Variants in REEP1 observed in about 807,000 individuals in gnomAD.
REEP1 encodes the protein receptor accessory protein 1, also known as receptor expression-enhancing protein 1.
In REEP1, 22 loss-of-function variants were observed where a neutral mutation model predicts 40.3. That is an observed-to-expected ratio of 0.55 (90% CI 0.39 to 0.78). The LOEUF (loss-of-function observed/expected upper bound fraction) is 0.78, where lower values mean the gene tolerates loss of function less well. Among genes scored for constraint, REEP1 ranks in the 30% least tolerant of loss-of-function variants. The pLI is 0.00. For missense variants in REEP1, 280 were observed against 361.1 expected, an observed-to-expected ratio of 0.78 and a Z score of 1.82; for synonymous variants, 116 against 139.2, an observed-to-expected ratio of 0.83 and a Z score of 1.17.
At chr2:86,249,618 T>C (rs906654257) in intron 5 of REEP1, among the ~76,000 whole-genome samples, 1 of 149,098 alleles carries the variant, frequency 6.7e-6, no homozygotes, top group African/African-American at 2.5e-5. Flanking sequence ...GAGAATCTAT[T>C]AAAAAAAAAA....
chr2:86,279,255 A>G (rs1677927065), intron 2 of REEP1, among the ~76,000 whole-genome samples: 1 of 152,246 alleles, frequency 6.6e-6, no homozygotes, highest in Non-Finnish European at 1.5e-5. Flanking sequence ...TACAGCGCTG[A>G]AGACGTGTAG....
At chr2:86,329,794 G>A (rs1024248608) in intron 1 of REEP1, among the ~76,000 whole-genome samples, 4 of 152,098 alleles carry the variant, frequency 2.6e-5, no homozygotes, top group South Asian at 2.1e-4. Context: ...CACCCAACAC[G>A]CACTCGCTGG....
At chr2:86,324,257 A>G (rs573218892) in intron 1 of REEP1, among the ~76,000 whole-genome samples, 13 of 152,356 alleles carry the variant, frequency 8.5e-5, no homozygotes, top group African/African-American at 2.6e-4. Context: ...CACATAAATG[A>G]CAGAAGTTTA....
intron 1 of REEP1, among the ~76,000 whole-genome samples, chr2:86,313,237 C>G (rs985555432): frequency 1.3e-5 from 2 of 151,974 alleles, no homozygotes; most frequent in African/African-American, 4.8e-5. Context: ...AGGCTCCCTA[C>G]ACCCTGAGTA....
At chr2:86,283,387 C>A (rs571318744) in intron 1 of REEP1, among the ~76,000 whole-genome samples, 11 of 152,288 alleles carry the variant, frequency 7.2e-5, no homozygotes, top group Admixed American at 5.2e-4. Flanking sequence ...AGGAGTGGGC[C>A]TGGCCCAGGT....
intron 2 of REEP1, among the ~76,000 whole-genome samples, chr2:86,274,372 G>T (rs1677625753): frequency 6.6e-6 from 1 of 152,236 alleles, no homozygotes; most frequent in Admixed American, 6.5e-5. Flanking sequence ...CAGAGATGCT[G>T]CAGCCATGGC....
At chr2:86,335,937 T>C (rs1681008406) in intron 1 of REEP1, among the ~76,000 whole-genome samples, 1 of 147,422 alleles carries the variant, frequency 6.8e-6, no homozygotes, top group Admixed American at 6.7e-5. Flanking sequence ...ATAAAACTAA[T>C]GATAGTCACA....
intron 1 of REEP1, among the ~76,000 whole-genome samples, chr2:86,287,274 G>A (rs1202182319): frequency 6.6e-6 from 1 of 152,064 alleles, no homozygotes; most frequent in Non-Finnish European, 1.5e-5. Context: ...TTTTAGTAGA[G>A]CCAGGGTTTC....
chr2:86,295,746 A>G (rs1027292399), intron 1 of REEP1, among the ~76,000 whole-genome samples: 2 of 152,132 alleles, frequency 1.3e-5, no homozygotes, highest in Non-Finnish European at 2.9e-5. Context: ...TCACCGTGTT[A>G]GCCAGGATGG....
chr2:86,295,352 G>T (rs1236089500), intron 1 of REEP1, among the ~76,000 whole-genome samples: 1 of 152,196 alleles, frequency 6.6e-6, no homozygotes, highest in African/African-American at 2.4e-5. Flanking sequence ...CAGCTCCAAG[G>T]GCCCTGGCCA....
At chr2:86,279,991 T>C (rs866005191) in intron 2 of REEP1, 7 of 456,314 alleles carry the variant, frequency 1.5e-5, no homozygotes, top group South Asian at 1.1e-4. Flanking sequence ...ATCTCATTTC[T>C]GAGAGTGGCA....
At chr2:86,276,176 C>T (rs1236236120) in intron 2 of REEP1, among the ~76,000 whole-genome samples, 1 of 152,188 alleles carries the variant, frequency 6.6e-6, no homozygotes, top group Admixed American at 6.5e-5. Flanking sequence ...CTGACCTGGC[C>T]ACAACCACTG....
chr2:86,291,845 G>A (rs1033968883), intron 1 of REEP1, among the ~76,000 whole-genome samples: 55 of 152,088 alleles, frequency 3.6e-4, no homozygotes, highest in Non-Finnish European at 3.2e-4. Flanking sequence ...TTTTAAGTTG[G>A]ATTTTTATGC....
chr2:86,300,067 G>T (rs1291079897), intron 1 of REEP1, among the ~76,000 whole-genome samples: 8 of 152,186 alleles, frequency 5.3e-5, no homozygotes, highest in Admixed American at 4.6e-4. Context: ...CAGATGCTTG[G>T]ATCTGCTTTA....
At chr2:86,239,791 A>C (rs1328739211) in intron 5 of REEP1, 1 of 152,268 alleles carries the variant, frequency 6.6e-6, no homozygotes, top group Non-Finnish European at 1.5e-5. Context: ...TAAGTTAATC[A>C]CATGTTAGAT....
intron 5 of REEP1, among the ~76,000 whole-genome samples, chr2:86,243,247 G>C (rs934801809): frequency 6.6e-6 from 1 of 152,174 alleles, no homozygotes; most frequent in African/African-American, 2.4e-5. Flanking sequence ...GAATCAGAGA[G>C]AAGAGGAGAA....
At chr2:86,229,550 G>A (rs1176352000) in intron 6 of REEP1, among the ~76,000 whole-genome samples, 2 of 149,772 alleles carry the variant, frequency 1.3e-5, no homozygotes, top group African/African-American at 4.9e-5. Flanking sequence ...TCTGACCCAG[G>A]AAATTCTGCC....
intron 1 of REEP1, among the ~76,000 whole-genome samples, chr2:86,328,424 G>A (rs1424751895): frequency 6.6e-6 from 1 of 152,246 alleles, no homozygotes. Context: ...GCTCATGCCT[G>A]TAATTCCAGC....
chr2:86,222,870 C>T (rs1483197323), intron 7 of REEP1, among the ~76,000 whole-genome samples: 1 of 152,198 alleles, frequency 6.6e-6, no homozygotes, highest in Non-Finnish European at 1.5e-5. Context: ...GAGTGAGTAG[C>T]TGGGTAGAAA....
Sources: gnomAD v4.1 joint callset for allele counts (sites outside exome capture counted in the v4.1 genomes callset) on GRCh38, gnomAD v4.1.1 for gene constraint, MANE v1.5 for transcripts, NCBI Gene and HGNC (gene_info 2026-07-23, HGNC 2026-07-21) for gene names.